LPIN2: variants seen among roughly 807,000 people sequenced by gnomAD.
LPIN2 encodes the protein phosphatidate phosphatase LPIN2.
Under a neutral mutation model 111.4 loss-of-function variants are expected in LPIN2, and 55 were observed. That is an observed-to-expected ratio of 0.49 (90% CI 0.40 to 0.62). The LOEUF (loss-of-function observed/expected upper bound fraction) is 0.62. Among genes scored for constraint, LPIN2 ranks in the 20% least tolerant of loss-of-function variants. LPIN2 has a pLI of 0.00. For synonymous variants in LPIN2, 425 were observed against 414.0 expected (o/e 1.03, Z -0.32); for missense variants, 992 against 1,112.1 (o/e 0.89, Z 1.54).
intron 1 of LPIN2, among the ~76,000 whole-genome samples, chr18:2,961,580 C>T (rs1449525763): frequency 1.3e-5 from 2 of 152,266 alleles, no homozygotes; most frequent in Non-Finnish European, 2.9e-5. Flanking sequence ...AAAAGGTCTG[C>T]AAGGAGTTCT....
chr18:3,012,089 G>A (rs2078613916), intron 1 of LPIN2: 1 of 152,172 alleles, frequency 6.6e-6, no homozygotes, highest in South Asian at 2.1e-4. Flanking sequence ...GCCAGGCCAA[G>A]TTTTAATAAA....
chr18:2,949,478 T>C (rs947541512), intron 4 of LPIN2, among the ~76,000 whole-genome samples: 1 of 152,214 alleles, frequency 6.6e-6, no homozygotes, highest in Non-Finnish European at 1.5e-5. Context: ...TCTTTTGTTG[T>C]TTAGTTCTAT....
In LPIN2 at chr18:3,005,676, TACACACACACACACAC is replaced by T. The variant is rs34050872; in HGVS notation, c.-10+7395_-10+7410del. 2.1e-3 allele frequency among the ~76,000 whole-genome samples: 303 copies of T among 147,026 alleles called. 2 individuals carry two copies. The highest frequency in any genetic ancestry group is 0.018 in the Middle Eastern group (5 of 284). ...TGGACAACAGAGCAAGACACTATCT[TACACACACACACACAC>T]ACACACACACACACAGCTTATCCAG... On this transcript the variant is annotated intron_variant, in intron 1 of 19. Transcript: ENST00000677752.
At chr18:2,982,001 C>G (rs930407441) in intron 1 of LPIN2, among the ~76,000 whole-genome samples, 2 of 152,166 alleles carry the variant, frequency 1.3e-5, no homozygotes, top group Non-Finnish European at 2.9e-5. Flanking sequence ...TAGAGTTACA[C>G]TGTCCTCAAG....
Position 2,927,703 on chromosome 18 carries a change from T to C in LPIN2, c.1710+19A>G, listed in dbSNP as rs375975640. 5.9e-5 allele frequency: 95 copies of C among 1,612,156 alleles called. No individual in the cohort carries two copies. The highest frequency in any genetic ancestry group is 7.4e-5 in the Non-Finnish European group (87 of 1,178,274). On this transcript the variant is annotated intron_variant, in intron 12 of 19. Coordinates refer to ENST00000677752, the MANE Select transcript of LPIN2 (RefSeq NM_001375808.2). ...CATTTCTTTCAGCCCACGGAAACAA[T>C]GACCTCTAGGTCTGTTACCTGTTTG...
chr18:2,952,484 A>G (rs1598561223), intron 3 of LPIN2, among the ~76,000 whole-genome samples: 1 of 152,230 alleles, frequency 6.6e-6, no homozygotes, highest in Non-Finnish European at 1.5e-5. Flanking sequence ...TTTAAACAAT[A>G]GTTCTGAAAA....
chr18:2,931,705 A>C (rs1279599075), intron 8 of LPIN2, among the ~76,000 whole-genome samples: 3 of 152,240 alleles, frequency 2.0e-5, no homozygotes, highest in Non-Finnish European at 2.9e-5. Flanking sequence ...CATTCACAAT[A>C]ATGCAAACAT....
chr18:2,919,567 A>AC lies in LPIN2; in HGVS notation c.*725dup, dbSNP rs1448737089. The AC allele has an allele frequency of 1.3e-5, 2 of 152,478 alleles. No homozygotes were observed. Among genetic ancestry groups the AC allele is most frequent in the African/African-American group, 2.4e-5 (1 of 41,410 alleles). 9.4% of individuals were successfully genotyped at this position (152,478 alleles called of 1,614,324 possible). On this transcript the variant is annotated 3_prime_UTR_variant, in exon 20 of 20. Coordinates refer to ENST00000677752, the MANE Select transcript of LPIN2 (RefSeq NM_001375808.2). Reference sequence around the variant, plus strand: ...ACCCACCTTCCCACTTTTATTACAGACATCAAATATATACTTGTGAGACCT... The same window carrying AC: ...ACCCACCTTCCCACTTTTATTACAGACCATCAAATATATACTTGTGAGACCT...
At chr18:2,960,005 C>G (rs2077683553) in intron 2 of LPIN2, among the ~76,000 whole-genome samples, 1 of 152,082 alleles carries the variant, frequency 6.6e-6, no homozygotes, top group Admixed American at 6.6e-5. Context: ...CCCGTCTCTA[C>G]TAAAAATACA....
chr18:2,972,139 G>A (rs1223923362), intron 1 of LPIN2, among the ~76,000 whole-genome samples: 5 of 152,176 alleles, frequency 3.3e-5, no homozygotes, highest in African/African-American at 1.2e-4. Flanking sequence ...CATGTGTTCA[G>A]ACCAATACTT....
chr18:2,994,893 A>C (rs573648253), intron 1 of LPIN2, among the ~76,000 whole-genome samples: 8 of 152,278 alleles, frequency 5.3e-5, no homozygotes, highest in Admixed American at 5.2e-4. Context: ...GCCTGTTCTG[A>C]CTGGGTCCCC....
intron 1 of LPIN2, among the ~76,000 whole-genome samples, chr18:2,991,956 TGA>T (rs1236468579): frequency 6.6e-6 from 1 of 151,000 alleles, no homozygotes; most frequent in Non-Finnish European, 1.5e-5. Flanking sequence ...TGCAGTGAGC[TGA>T]GATAGCGCCA....
chr18:2,969,061 T>C (rs899959135), intron 1 of LPIN2, among the ~76,000 whole-genome samples: 8 of 152,108 alleles, frequency 5.3e-5, no homozygotes, highest in African/African-American at 1.7e-4. Flanking sequence ...CCTATCAAGG[T>C]TGAACTTAAA....
rs565044698 is a variant in LPIN2 at position 2,918,264 on chromosome 18, G to A, written c.*2029C>T. On this transcript the variant is annotated 3_prime_UTR_variant, in exon 20 of 20. Transcript: ENST00000677752. ...AAGGCCCATGTGTCCAAAGAGAAGA[G>A]CTGTCAAGAAAAAGAAACTAGTCAA... 3 of 152,274 alleles carry A rather than the reference G, an allele frequency of 2.0e-5. No individual in the cohort carries two copies. The South Asian group carries it at 6.2e-4, about 32-fold the overall frequency. The allele number at this position is 152,274 out of a possible 1,614,324, so 9.4% of individuals were successfully genotyped here.
At position 2,951,151 on chromosome 18, in the gene LPIN2, T is replaced by C; in HGVS notation, c.494A>G (p.Asp165Gly). Residue 165 changes from aspartate (D) to glycine (G), a missense_variant, in exon 4 of 20, where the codon GAC becomes GGC. Coordinates refer to ENST00000677752, the MANE Select transcript of LPIN2 (RefSeq NM_001375808.2). ...TGCGGCCTGCTCTTCCTTCTTACTGTCCTGTTTGTATTTCTTTCTCCTTCG... is the reference window on the plus strand; with the variant it reads ...TGCGGCCTGCTCTTCCTTCTTACTGCCCTGTTTGTATTTCTTTCTCCTTCG... The part of the protein sequence containing the change: ...KKRRRKKYKQ[D>G]SKKEEQAASA... The C allele has an allele frequency of 6.2e-7, 1 of 1,614,218 alleles. No individual in the cohort carries two copies. Among genetic ancestry groups the C allele is most frequent in the Non-Finnish European group, 8.5e-7 (1 of 1,180,040 alleles).
chr18:2,977,537 G>A (rs554403134), intron 1 of LPIN2, among the ~76,000 whole-genome samples: 20 of 152,296 alleles, frequency 1.3e-4, no homozygotes, highest in Non-Finnish European at 1.2e-4. Flanking sequence ...TCATTCCATG[G>A]CTGTGGGCAG....
intron 2 of LPIN2, among the ~76,000 whole-genome samples, chr18:2,959,960 G>A (rs1207538779): frequency 6.6e-6 from 1 of 152,166 alleles, no homozygotes; most frequent in East Asian, 1.9e-4. Flanking sequence ...CTTGAGGTCA[G>A]GAGTTCGAGA....
chr18:2,941,654 C>T (rs1323665275), intron 4 of LPIN2, among the ~76,000 whole-genome samples: 2 of 152,212 alleles, frequency 1.3e-5, no homozygotes, highest in Non-Finnish European at 2.9e-5. Context: ...TGGCCAGGTA[C>T]AGTGGCTCAT....
At position 2,937,892 on chromosome 18, in the gene LPIN2, G is replaced by C. The variant is rs765953887; in HGVS notation, c.968C>G (p.Thr323Ser). 1.9e-6 allele frequency: 3 copies of C among 1,614,120 alleles called. No homozygotes were observed. Among genetic ancestry groups the C allele is most frequent in the Non-Finnish European group, 2.5e-6 (3 of 1,180,014 alleles). ...KDASMEDTVC[T>S]IVKPKPRALG... ...GGCTCTGGGTTTGGGCTTCACTATGGTACAGACAGTGTCTTCCATGGAAGC... is the reference window on the plus strand; with the variant it reads ...GGCTCTGGGTTTGGGCTTCACTATGCTACAGACAGTGTCTTCCATGGAAGC... The change falls in exon 7 of 20, where the codon ACC becomes AGC. Residue 323 changes from threonine to serine, a missense_variant. This residue lies in a region of LPIN2 where 709 missense variants were observed against 753.2 expected (regional missense o/e 0.94). Transcript: ENST00000677752.
Sources: gnomAD v4.1 joint callset for allele counts (sites outside exome capture counted in the v4.1 genomes callset) on GRCh38, gnomAD v4.1.1 for gene constraint, gnomAD v4.1.1 regional missense constraint, MANE v1.5 for transcripts, NCBI Gene and HGNC (gene_info 2026-07-23, HGNC 2026-07-21) for gene names.